R3HDM1: variants seen among roughly 807,000 people sequenced by gnomAD.
The protein encoded by R3HDM1 is R3H domain-containing protein 1.
A neutral mutation model predicts 141.1 loss-of-function variants in R3HDM1; 46 were observed. The ratio of observed to expected loss-of-function variants is 0.33; its 90% CI spans 0.26 to 0.42. The LOEUF (loss-of-function observed/expected upper bound fraction) is 0.42, where lower values mean the gene tolerates loss of function less well. Ranked by LOEUF, R3HDM1 falls within the 10% of genes least tolerant of loss-of-function variation. The pLI is 1.00. For synonymous variants in R3HDM1, 435 were observed against 472.9 expected (o/e 0.92, Z 1.04); for missense variants, 1,184 against 1,368.3 (o/e 0.87, Z 2.12).
At chr2:135,627,375 T>G (rs1484409185) in intron 7 of R3HDM1, among the ~76,000 whole-genome samples, 1 of 152,170 alleles carries the variant, frequency 6.6e-6, no homozygotes, top group Non-Finnish European at 1.5e-5. Flanking sequence ...TAAATCTTCA[T>G]TATCTTGTCA....
At chr2:135,620,662 A>T (rs1326516155) in intron 5 of R3HDM1, 1 of 966,606 alleles carries the variant, frequency 1.0e-6, no homozygotes, top group Admixed American at 6.2e-5. Context: ...AATAGGCTAC[A>T]CTTTTATCTT....
chr2:135,539,617 T>C (rs1250195313), intron 1 of R3HDM1, among the ~76,000 whole-genome samples: 1 of 152,138 alleles, frequency 6.6e-6, no homozygotes, highest in East Asian at 1.9e-4. Context: ...CATTTTTGGG[T>C]ACCCTGGTGC....
At chr2:135,692,337 C>T (rs1419214194) in intron 21 of R3HDM1, among the ~76,000 whole-genome samples, 2 of 152,070 alleles carry the variant, frequency 1.3e-5, no homozygotes, top group African/African-American at 2.4e-5. Flanking sequence ...CAGTGGCTCA[C>T]GTCTGTAATC....
chr2:135,677,313 C>T (rs1345592672), intron 20 of R3HDM1, among the ~76,000 whole-genome samples: 1 of 152,126 alleles, frequency 6.6e-6, no homozygotes, highest in Non-Finnish European at 1.5e-5. Flanking sequence ...CTCTCACATC[C>T]CCCATGCTTC....
chr2:135,550,895 T>C (rs1699716518), intron 1 of R3HDM1, among the ~76,000 whole-genome samples: 1 of 152,222 alleles, frequency 6.6e-6, no homozygotes, highest in African/African-American at 2.4e-5. Flanking sequence ...TCAGGCATAC[T>C]ACAATTATAC....
chr2:135,549,267 G>A (rs1053410571), intron 1 of R3HDM1, among the ~76,000 whole-genome samples: 1 of 151,834 alleles, frequency 6.6e-6, no homozygotes, highest in Non-Finnish European at 1.5e-5. Flanking sequence ...AAAAAAATGG[G>A]GTCTTGGCCA....
chr2:135,644,513 A>T (rs2064163534), intron 15 of R3HDM1, among the ~76,000 whole-genome samples: 1 of 152,186 alleles, frequency 6.6e-6, no homozygotes. Context: ...GTCTCAAAAA[A>T]ACAGAAAAGA....
intron 1 of R3HDM1, chr2:135,534,059 G>A: frequency 2.0e-6 from 2 of 981,284 alleles, no homozygotes. Flanking sequence ...AGTACCATGG[G>A]TGTATTAATT....
chr2:135,610,112 T>A (rs2060397511), intron 3 of R3HDM1, among the ~76,000 whole-genome samples: 1 of 152,192 alleles, frequency 6.6e-6, no homozygotes, highest in African/African-American at 2.4e-5. Context: ...TTATTTTAAA[T>A]ATAAAATTCA....
intron 1 of R3HDM1, among the ~76,000 whole-genome samples, chr2:135,569,718 C>CTTTTTTTTTTTTTTTTTTTTTTTTTTT (rs139858819): frequency 7.7e-6 from 1 of 129,346 alleles, no homozygotes; most frequent in African/African-American, 3.9e-5. Flanking sequence ...ATAGTAAGCT[C>CTTTTTTTTTTTTTTTTTTTTTTTTTTT]TTTTTTTTTT....
At chr2:135,548,139 T>G (rs2104918360) in intron 1 of R3HDM1, among the ~76,000 whole-genome samples, 1 of 152,346 alleles carries the variant, frequency 6.6e-6, no homozygotes, top group East Asian at 1.9e-4. Flanking sequence ...ATATTCCTTT[T>G]GTACTTAGAC....
Position 135,636,099 on chromosome 2 carries a change from T to A in R3HDM1, c.819T>A (p.Arg273=), listed in dbSNP as rs1297810601. 6.2e-7 allele frequency: 1 copy of A among 1,612,936 alleles called. No individual in the cohort carries two copies. Among genetic ancestry groups the A allele is most frequent in the Admixed American group, 1.7e-5 (1 of 59,918 alleles). Reference sequence around the variant, plus strand: ...CCTCTTTTCTGTAGATGAGAATACGTTTGAAAGATGACAGAAGAAGCAAAT... The same window carrying A: ...CCTCTTTTCTGTAGATGAGAATACGATTGAAAGATGACAGAAGAAGCAAAT... ...FDKDDNQMRI[R]LKDDRRSKSI... The change falls in exon 11 of 27, where the codon CGT becomes CGA. Residue 273 remains arginine, a synonymous_variant. Coordinates refer to ENST00000683871, the MANE Select transcript of R3HDM1 (RefSeq NM_001378107.1).
chr2:135,709,646 A>T, intron 22 of R3HDM1, 110 bp downstream of exon 22: 1 of 1,300,416 alleles, frequency 7.7e-7, no homozygotes, highest in South Asian at 1.4e-5. Context: ...GTGCTGAAAT[A>T]CACCCACAAT....
intron 14 of R3HDM1, 135 bp from the exon 15 acceptor site, chr2:135,641,401 C>T: frequency 9.8e-7 from 1 of 1,017,418 alleles, no homozygotes; most frequent in Middle Eastern, 3.3e-4. Context: ...CAAACGTGGA[C>T]AGTAAATTAA....
intron 1 of R3HDM1, among the ~76,000 whole-genome samples, chr2:135,600,908 T>G (rs2059573655): frequency 6.6e-6 from 1 of 152,222 alleles, no homozygotes; most frequent in Admixed American, 6.5e-5. Context: ...TAAGAGGATC[T>G]TCTAAGGTGT....
intron 1 of R3HDM1, chr2:135,590,553 G>T (rs562470632): frequency 1.0e-6 from 1 of 985,234 alleles, no homozygotes; most frequent in South Asian, 4.7e-5. Context: ...AATCTGAAAT[G>T]CATTAAACCC....
intron 10 of R3HDM1, 28 bp downstream of exon 10, chr2:135,636,026 A>G (rs898802420): frequency 5.6e-6 from 9 of 1,609,290 alleles, no homozygotes; most frequent in African/African-American, 5.4e-5. Context: ...TAGGATTTGT[A>G]TAGGTGCAAG....
At chr2:135,710,036 G>A in intron 22 of R3HDM1, 23 bp from the exon 23 acceptor site, 1 of 1,607,400 alleles carries the variant, frequency 6.2e-7, no homozygotes, top group Non-Finnish European at 8.5e-7. Context: ...TCTGACTATA[G>A]CATCCTAAAT....
chr2:135,596,119 C>T (rs2059157191), intron 1 of R3HDM1, among the ~76,000 whole-genome samples: 1 of 152,112 alleles, frequency 6.6e-6, no homozygotes, highest in South Asian at 2.1e-4. Flanking sequence ...CTGCCTCAGC[C>T]TTCTGAGTAG....
Sources: allele counts gnomAD v4.1 joint callset (sites outside exome capture counted in the v4.1 genomes callset), GRCh38; gene constraint gnomAD v4.1.1; transcripts MANE v1.5; gene names NCBI Gene and HGNC (gene_info 2026-07-23, HGNC 2026-07-21).